Variants in MORN1 observed in about 807,000 individuals in gnomAD.
MORN1 encodes the protein MORN repeat containing 1.
Under a neutral mutation model 61.9 loss-of-function variants are expected in MORN1, and 67 were observed. That is an observed-to-expected ratio of 1.08 (90% CI 0.89 to 1.33). MORN1 has a LOEUF of 1.33. Among genes scored for constraint, MORN1 ranks in the 40% most tolerant of loss-of-function variants. MORN1 has a pLI of 0.00. For missense variants in MORN1, 752 were observed against 691.2 expected (o/e 1.09, Z -0.99); for synonymous variants, 301 against 292.0 (o/e 1.03, Z -0.31).
chr1:2,355,186 T>C (rs973142170), intron 10 of MORN1: 32 of 1,230,138 alleles, frequency 2.6e-5, no homozygotes, highest in South Asian at 1.3e-4. Context: ...CCAGTAAGTA[T>C]TTTTATGCAG....
chr1:2,347,998 G>A (rs1244920192), intron 10 of MORN1, among the ~76,000 whole-genome samples: 1 of 152,214 alleles, frequency 6.6e-6, no homozygotes, highest in Non-Finnish European at 1.5e-5. Context: ...GCCGTCCCGG[G>A]GCAGGGCACG....
At chr1:2,387,299 C>T in intron 4 of MORN1, 120 bp downstream of exon 4, 1 of 773,080 alleles carries the variant, frequency 1.3e-6, no homozygotes, top group Admixed American at 1.8e-5. Flanking sequence ...CCCCTACCTC[C>T]TTTCCAACCC....
intron 10 of MORN1, chr1:2,355,240 A>G (rs1337658884): frequency 7.1e-7 from 1 of 1,411,680 alleles, no homozygotes; most frequent in African/African-American, 1.5e-5. Context: ...AACTGCTTCT[A>G]TCAACTGAGG....
At chr1:2,369,066 A>G (rs1642058247) in intron 8 of MORN1, among the ~76,000 whole-genome samples, 1 of 151,470 alleles carries the variant, frequency 6.6e-6, no homozygotes, top group South Asian at 2.1e-4. Context: ...CAAAAAAAAA[A>G]AAAGGCGGGG....
intron 12 of MORN1, among the ~76,000 whole-genome samples, chr1:2,325,977 G>A (rs1014186703): frequency 2.0e-5 from 3 of 152,130 alleles, no homozygotes; most frequent in Non-Finnish European, 4.4e-5. Context: ...GCTGTGTCCG[G>A]AATTACCCAT....
chr1:2,335,835 G>A (rs995448355), intron 12 of MORN1, among the ~76,000 whole-genome samples: 2 of 151,224 alleles, frequency 1.3e-5, no homozygotes, highest in Non-Finnish European at 2.9e-5. Flanking sequence ...CCATAGCCCA[G>A]CCCAGCCCAG....
rs149461937 is a variant in MORN1, at chr1:2,379,840, T to C, written c.537+5138A>G. Among the ~76,000 whole-genome samples the C allele has an allele frequency of 4.4e-3, 672 of 152,234 alleles. 4 individuals are homozygous for C. Among genetic ancestry groups the C allele is most frequent in the Non-Finnish European group, 6.8e-3 (465 of 68,006 alleles). On this transcript the variant is annotated intron_variant, in intron 6 of 13. Transcript: ENST00000378531. ...CTGTGGAGAACAGCATGGCGGTTCCTCAAAAATTAAAAACAGAATCACCAT... is the reference window on the plus strand; with the variant it reads ...CTGTGGAGAACAGCATGGCGGTTCCCCAAAAATTAAAAACAGAATCACCAT...
At chr1:2,323,951 G>A (rs1640939766) in intron 13 of MORN1, 146 bp downstream of exon 13, 5 of 1,425,122 alleles carry the variant, frequency 3.5e-6, no homozygotes, top group Non-Finnish European at 4.6e-6. Context: ...GGAGGGCCTG[G>A]CTGCTCCCCA....
intron 3 of MORN1, chr1:2,387,966 A>G: frequency 2.1e-6 from 1 of 471,454 alleles, no homozygotes; most frequent in South Asian, 3.4e-5. Flanking sequence ...TAGGGATACA[A>G]TGTGGCTGAA....
intron 6 of MORN1, among the ~76,000 whole-genome samples, chr1:2,379,772 G>C (rs1642329239): frequency 6.6e-6 from 1 of 152,240 alleles, no homozygotes; most frequent in Non-Finnish European, 1.5e-5. Flanking sequence ...GGAGGAACTG[G>C]AACTGTGTGC....
chr1:2,366,952 T>C (rs1229427174), intron 8 of MORN1, among the ~76,000 whole-genome samples: 2 of 150,696 alleles, frequency 1.3e-5, no homozygotes, highest in Non-Finnish European at 3.0e-5. Flanking sequence ...ATCAATAATA[T>C]CAACAAAATA....
intron 10 of MORN1, among the ~76,000 whole-genome samples, chr1:2,343,398 C>T (rs979630188): frequency 2.6e-5 from 4 of 152,222 alleles, no homozygotes; most frequent in South Asian, 2.1e-4. Context: ...GATGACGCTG[C>T]GGGGCACCAG....
chr1:2,374,616 C>T (rs752205737), intron 6 of MORN1, 59 bp from the exon 7 acceptor site: 75 of 1,437,910 alleles, frequency 5.2e-5, no homozygotes, highest in African/African-American at 3.5e-4. Context: ...TGTGGGTCCC[C>T]GCATGGCACT....
At chr1:2,386,429 G>A (rs1040198060) in intron 4 of MORN1, 1 of 156,980 alleles carries the variant, frequency 6.4e-6, no homozygotes, top group Admixed American at 6.2e-5. Flanking sequence ...TGTTTTTTTT[G>A]TTGTCGTTGC....
chr1:2,322,990 G>A, intron 13 of MORN1: 1 of 985,456 alleles, frequency 1.0e-6, no homozygotes, highest in Non-Finnish European at 1.2e-6. Context: ...AGCCCCAAGT[G>A]GCCCCTGAAT....
intron 5 of MORN1, 98 bp from the exon 6 acceptor site, chr1:2,385,163 GGGACC>G: frequency 7.7e-7 from 1 of 1,292,452 alleles, no homozygotes. Flanking sequence ...CAGGCACTGC[GGGACC>G]GAGGCAAAAA....
At position 2,334,232 on chromosome 1, in the gene MORN1, TG is replaced by T. The variant is rs1384219547; in HGVS notation, c.1250+2236del. Among the ~76,000 whole-genome samples the T allele has an allele frequency of 6.8e-6, 1 of 147,090 alleles. No individual in the cohort carries two copies. Among genetic ancestry groups the T allele is most frequent in the Non-Finnish European group, 1.5e-5 (1 of 66,272 alleles). ...TCAGCCACAGTTGAGGGCCTCTGGG[TG>T]GTGGGGGGGCAGCAGGTGTAAGAAC... On this transcript the variant is annotated intron_variant, in intron 12 of 13. Transcript: ENST00000378531. This position sits in a 1 kb window ranked among gnomAD's most constrained non-coding sequence, Gnocchi z 5.4.
chr1:2,335,846 C>CCCGGCCCGGCCCGGCCCGGCCCG (rs370659459), intron 12 of MORN1, among the ~76,000 whole-genome samples: 1 of 149,922 alleles, frequency 6.7e-6, no homozygotes, highest in Non-Finnish European at 1.5e-5. Flanking sequence ...CCCAGCCCAG[C>CCCGGCCCGGCCCGGCCCGGCCCG]GCGCAGCTGC....
At chr1:2,323,933 G>A in intron 13 of MORN1, 164 bp downstream of exon 13, 1 of 984,292 alleles carries the variant, frequency 1.0e-6, no homozygotes, top group Non-Finnish European at 1.2e-6. Context: ...TTCCCATTCA[G>A]GTCCCTGGGA....
Sources: gnomAD v4.1 joint callset for allele counts (sites outside exome capture counted in the v4.1 genomes callset) on GRCh38, gnomAD v4.1.1 for gene constraint, Gnocchi (gnomAD v3.1) non-coding constraint, MANE v1.5 for transcripts, NCBI Gene and HGNC (gene_info 2026-07-23, HGNC 2026-07-21) for gene names.